Variants in NDRG3 observed in about 807,000 individuals in gnomAD.
The protein encoded by NDRG3 is NDRG family member 3.
A neutral mutation model predicts 57.2 loss-of-function variants in NDRG3; 23 were observed. The observed-to-expected ratio is 0.40, with a 90% CI of 0.29 to 0.57. NDRG3 has a LOEUF of 0.57. NDRG3 is among the 20% of genes least tolerant of loss of function. The pLI is 0.42. For missense variants in NDRG3, 384 were observed against 457.3 expected, an observed-to-expected ratio of 0.84 and a Z score of 1.46; for synonymous variants, 132 against 162.6, an observed-to-expected ratio of 0.81 and a Z score of 1.43.
At chr20:36,736,648 G>A (rs1018760895) in intron 1 of NDRG3, among the ~76,000 whole-genome samples, 1 of 152,128 alleles carries the variant, frequency 6.6e-6, no homozygotes, top group African/African-American at 2.4e-5. Flanking sequence ...TGGTTCTACT[G>A]CTGTCTCCTG....
At position 36,719,840 on chromosome 20, in the gene NDRG3, G is replaced by A. The variant is rs965304456; in HGVS notation, c.57+1839C>T. On this transcript the variant is annotated intron_variant, in intron 2 of 15. Transcript: ENST00000349004. ...GAAAAGAAGGAATTTCAAGCAGCTG[G>A]GCATGGTGGCTCATGCCTGTAATCC... Among the ~76,000 whole-genome samples, 11 of 152,098 alleles carry A rather than the reference G, an allele frequency of 7.2e-5. No homozygotes were observed. In the East Asian group the frequency reaches 1.6e-3, roughly 22 times the overall value.
chr20:36,670,588 T>C (rs1980059312), intron 9 of NDRG3, among the ~76,000 whole-genome samples: 3 of 152,146 alleles, frequency 2.0e-5, no homozygotes, highest in Admixed American at 1.3e-4. Flanking sequence ...ATCAGACTAA[T>C]AGAACCATGT....
chr20:36,694,006 A>G (rs927385445), intron 3 of NDRG3, among the ~76,000 whole-genome samples: 1 of 152,200 alleles, frequency 6.6e-6, no homozygotes, highest in African/African-American at 2.4e-5. Context: ...TATTCTTACA[A>G]TAAAGTAAGC....
intron 2 of NDRG3, among the ~76,000 whole-genome samples, chr20:36,718,236 C>T (rs980614085): frequency 4.6e-5 from 7 of 152,140 alleles, no homozygotes; most frequent in Non-Finnish European, 4.4e-5. Flanking sequence ...GGGAGGCTAA[C>T]GGGGTGGAAG....
At chr20:36,683,869 G>A (rs1440598102) in intron 6 of NDRG3, among the ~76,000 whole-genome samples, 1 of 152,078 alleles carries the variant, frequency 6.6e-6, no homozygotes, top group East Asian at 1.9e-4. Flanking sequence ...CCAGTACCAT[G>A]CTATCATTAT....
intron 3 of NDRG3, among the ~76,000 whole-genome samples, chr20:36,694,786 C>T (rs1181657735): frequency 6.6e-6 from 1 of 151,960 alleles, no homozygotes; most frequent in Non-Finnish European, 1.5e-5. Context: ...GAGACAGGGT[C>T]TCATTCTGTC....
chr20:36,694,860 CA>C (rs1412412072), intron 3 of NDRG3, among the ~76,000 whole-genome samples: 5 of 152,078 alleles, frequency 3.3e-5, no homozygotes, highest in Non-Finnish European at 1.5e-5. Flanking sequence ...CAGGCTCAAG[CA>C]ATTCTCCCAC....
chr20:36,705,609 G>A (rs1983507697), intron 3 of NDRG3, among the ~76,000 whole-genome samples: 1 of 152,152 alleles, frequency 6.6e-6, no homozygotes, highest in Non-Finnish European at 1.5e-5. Flanking sequence ...TTTACTGCTA[G>A]TACCCTCTGG....
intron 2 of NDRG3, among the ~76,000 whole-genome samples, chr20:36,714,404 CAAA>C (rs1187671006): frequency 3.1e-5 from 2 of 63,972 alleles, no homozygotes; most frequent in Admixed American, 1.7e-4. Flanking sequence ...GACTCCAACT[CAAA>C]AAAAAAAAAA....
intron 1 of NDRG3, among the ~76,000 whole-genome samples, chr20:36,741,978 T>C (rs1985949445): frequency 6.6e-6 from 1 of 152,176 alleles, no homozygotes; most frequent in South Asian, 2.1e-4. Context: ...TGCTATCTTG[T>C]CTGTTTTATC....
intron 1 of NDRG3, among the ~76,000 whole-genome samples, chr20:36,733,179 T>A (rs1265205314): frequency 4.1e-4 from 19 of 45,846 alleles, no homozygotes; most frequent in African/African-American, 1.4e-3. Context: ...AAAATATATA[T>A]ATATATATAT....
intron 8 of NDRG3, among the ~76,000 whole-genome samples, chr20:36,673,747 A>G (rs1294037012): frequency 6.6e-6 from 1 of 152,170 alleles, no homozygotes; most frequent in Non-Finnish European, 1.5e-5. Context: ...TTTTAAGTAA[A>G]TAATGTCTCT....
chr20:36,740,959 G>A (rs577336476), intron 1 of NDRG3, among the ~76,000 whole-genome samples: 1 of 152,116 alleles, frequency 6.6e-6, no homozygotes, highest in Admixed American at 6.6e-5. Context: ...AAGTTTTCGT[G>A]TGCTATTTTC....
chr20:36,668,324 C>T (rs992741834), intron 9 of NDRG3, among the ~76,000 whole-genome samples: 4 of 152,112 alleles, frequency 2.6e-5, no homozygotes, highest in Admixed American at 2.0e-4. Flanking sequence ...ACTTGCTTTC[C>T]CTTGTAAAGT....
chr20:36,717,733 C>G (rs574056221), intron 2 of NDRG3, among the ~76,000 whole-genome samples: 1 of 152,304 alleles, frequency 6.6e-6, no homozygotes, highest in Admixed American at 6.5e-5. Flanking sequence ...AACAACAAAA[C>G]CCTCAAGCCA....
intron 3 of NDRG3, among the ~76,000 whole-genome samples, chr20:36,703,068 C>A (rs1359443433): frequency 6.6e-6 from 1 of 152,082 alleles, no homozygotes; most frequent in African/African-American, 2.4e-5. Context: ...GATCTACCCG[C>A]AGAATTATAA....
chr20:36,697,963 CTTTTTTTTTTTT>C (rs1026025529), intron 3 of NDRG3, among the ~76,000 whole-genome samples: 2 of 123,016 alleles, frequency 1.6e-5, no homozygotes, highest in East Asian at 4.8e-4. Flanking sequence ...TTTCTTTTTT[CTTTTTTTTTTTT>C]TTTTTTTTGA....
At chr20:36,714,913 C>A (rs1368684382) in intron 2 of NDRG3, among the ~76,000 whole-genome samples, 9 of 148,610 alleles carry the variant, frequency 6.1e-5, no homozygotes, top group Non-Finnish European at 1.0e-4. Context: ...GCGCCAGGCC[C>A]AGCAAATTGT....
chr20:36,722,635 G>C (rs891343166), intron 1 of NDRG3, among the ~76,000 whole-genome samples: 1 of 152,116 alleles, frequency 6.6e-6, no homozygotes, highest in Non-Finnish European at 1.5e-5. Flanking sequence ...GAATGGCAGT[G>C]GGAATGAAAG....
Sources: gnomAD v4.1 joint callset for allele counts (sites outside exome capture counted in the v4.1 genomes callset) on GRCh38, gnomAD v4.1.1 for gene constraint, MANE v1.5 for transcripts, NCBI Gene and HGNC (gene_info 2026-07-23, HGNC 2026-07-21) for gene names.